INPP4B: variants seen among roughly 807,000 people sequenced by gnomAD.
The protein encoded by INPP4B is inositol polyphosphate-4-phosphatase type II B.
A neutral mutation model predicts 122.5 loss-of-function variants in INPP4B; 55 were observed. The observed-to-expected ratio is 0.45, with a 90% CI of 0.36 to 0.56. The LOEUF (loss-of-function observed/expected upper bound fraction) is 0.56. Among genes scored for constraint, INPP4B ranks in the 20% least tolerant of loss-of-function variants. The probability of loss-of-function intolerance (pLI) is 0.00; values close to 1 mark genes in which losing one functional copy is unlikely to be tolerated. For synonymous variants in INPP4B, 403 were observed against 388.7 expected (o/e 1.04, Z -0.43); for missense variants, 1,000 against 1,097.7 (o/e 0.91, Z 1.26).
At chr4:142,449,682 G>A (rs1244363803) in intron 3 of INPP4B, among the ~76,000 whole-genome samples, 13 of 149,990 alleles carry the variant, frequency 8.7e-5, no homozygotes, top group Non-Finnish European at 1.9e-4. Context: ...CCTGGTGACA[G>A]AGCAAGACTC....
intron 7 of INPP4B, among the ~76,000 whole-genome samples, chr4:142,367,677 A>C (rs1788075089): frequency 6.6e-6 from 1 of 152,140 alleles, no homozygotes; most frequent in African/African-American, 2.4e-5. Flanking sequence ...TCCGCAATTC[A>C]TGCATCCATA....
At chr4:142,052,618 T>C (rs1430467784) in intron 25 of INPP4B, among the ~76,000 whole-genome samples, 1 of 152,122 alleles carries the variant, frequency 6.6e-6, no homozygotes, top group African/African-American at 2.4e-5. Flanking sequence ...GTTGATGAGA[T>C]GTAAGCCTTT....
At chr4:142,400,516 A>C (rs1352185467) in intron 7 of INPP4B, among the ~76,000 whole-genome samples, 2 of 152,194 alleles carry the variant, frequency 1.3e-5, no homozygotes, top group African/African-American at 4.8e-5. Context: ...AGAAAAACTT[A>C]AGAAATGAAA....
intron 2 of INPP4B, among the ~76,000 whole-genome samples, chr4:142,515,281 G>A (rs966829011): frequency 2.0e-5 from 3 of 152,134 alleles, no homozygotes; most frequent in African/African-American, 7.2e-5. Context: ...AACATGGGAT[G>A]TGGGGAGCCT....
At chr4:142,648,691 C>G (rs1025192085) in intron 2 of INPP4B, among the ~76,000 whole-genome samples, 6 of 152,224 alleles carry the variant, frequency 3.9e-5, no homozygotes, top group Non-Finnish European at 5.9e-5. Context: ...CTGGGCGGAG[C>G]CCACCACAGC....
chr4:142,587,608 A>G (rs1447394671), intron 2 of INPP4B, among the ~76,000 whole-genome samples: 1 of 152,150 alleles, frequency 6.6e-6, no homozygotes, highest in Non-Finnish European at 1.5e-5. Context: ...TGATACATGC[A>G]TGCAATGCAT....
chr4:142,388,030 T>C (rs1209132281), intron 7 of INPP4B, among the ~76,000 whole-genome samples: 1 of 152,222 alleles, frequency 6.6e-6, no homozygotes, highest in East Asian at 1.9e-4. Flanking sequence ...ATTTGCTGAT[T>C]CTCTTCCCCT....
At chr4:142,790,866 T>C (rs377190134) in intron 1 of INPP4B, among the ~76,000 whole-genome samples, 48 of 152,140 alleles carry the variant, frequency 3.2e-4, no homozygotes, top group Admixed American at 1.2e-3. Context: ...GGGAGACATA[T>C]GAAGCCCAAC....
chr4:142,061,245 G>A (rs2667108), intron 25 of INPP4B, among the ~76,000 whole-genome samples: 130,266 of 152,180 alleles, frequency 0.86, 58,592 homozygotes, highest in Non-Finnish European at 0.98. Context: ...CCCTGCTACC[G>A]TACATGTGCA....
chr4:142,394,143 T>TTTTG (rs376220887), intron 7 of INPP4B, among the ~76,000 whole-genome samples: 2,578 of 152,272 alleles, frequency 0.017, 34 homozygotes, highest in Non-Finnish European at 0.027. Context: ...GTGTGGTTTT[T>TTTTG]TTTGTTTGTT....
chr4:142,375,069 C>G (rs1791354277), intron 7 of INPP4B, among the ~76,000 whole-genome samples: 1 of 151,846 alleles, frequency 6.6e-6, no homozygotes. Context: ...CTTATACGGT[C>G]TAATCACTCA....
At chr4:142,177,595 T>C (rs1421088226) in intron 15 of INPP4B, among the ~76,000 whole-genome samples, 3 of 152,046 alleles carry the variant, frequency 2.0e-5, no homozygotes, top group Admixed American at 6.6e-5. Context: ...AGTTTCATAA[T>C]ATTTTTCTAT....
intron 1 of INPP4B, among the ~76,000 whole-genome samples, chr4:142,794,830 G>T (rs990480326): frequency 1.3e-5 from 2 of 151,798 alleles, no homozygotes; most frequent in Non-Finnish European, 2.9e-5. Flanking sequence ...ATGTAATTTG[G>T]AAAGCAAATT....
intron 11 of INPP4B, among the ~76,000 whole-genome samples, chr4:142,245,844 G>C (rs1397810011): frequency 6.4e-5 from 5 of 78,140 alleles, no homozygotes; most frequent in African/African-American, 2.7e-4. Context: ...ACATATATAT[G>C]TGTATGTATA....
In INPP4B at chr4:142,623,459, T is replaced by G. The variant is rs368917808; in HGVS notation, c.-191+102380A>C. 2.9e-3 allele frequency among the ~76,000 whole-genome samples: 441 copies of G among 152,020 alleles called. 1 individual carries two copies. The highest frequency in any genetic ancestry group is 9.9e-3 in the African/African-American group (412 of 41,504). On this transcript the variant is annotated intron_variant, in intron 2 of 25. Coordinates refer to ENST00000262992, the MANE Select transcript of INPP4B (RefSeq NM_001101669.3). ...CTTTCTAACCTGTCCTTCATATTTT[T>G]CCACAGTCACTCTCCTAAAACAGGG... is the stretch of plus-strand genomic sequence containing the variant.
chr4:142,177,332 C>T (rs1317406952), intron 15 of INPP4B, among the ~76,000 whole-genome samples: 1 of 152,144 alleles, frequency 6.6e-6, no homozygotes, highest in African/African-American at 2.4e-5. Context: ...CAGTGCCTTA[C>T]TTTTCAAACA....
At chr4:142,806,061 C>A (rs1561089552) in intron 1 of INPP4B, among the ~76,000 whole-genome samples, 1 of 151,970 alleles carries the variant, frequency 6.6e-6, no homozygotes, top group African/African-American at 2.4e-5. Context: ...GGGCGGATCA[C>A]GAGGTCAGGA....
chr4:142,800,801 T>C (rs1299698930), intron 1 of INPP4B, among the ~76,000 whole-genome samples: 1 of 152,180 alleles, frequency 6.6e-6, no homozygotes, highest in Non-Finnish European at 1.5e-5. Context: ...GCTTGGAACG[T>C]CTTATGTTTC....
intron 2 of INPP4B, among the ~76,000 whole-genome samples, chr4:142,702,691 T>G (rs1000252965): frequency 7.6e-6 from 1 of 131,206 alleles, no homozygotes; most frequent in African/African-American, 3.0e-5. Flanking sequence ...GATCACGCCA[T>G]TGCACTCCAG....
Sources: allele counts gnomAD v4.1 joint callset (sites outside exome capture counted in the v4.1 genomes callset), GRCh38; gene constraint gnomAD v4.1.1; transcripts MANE v1.5; gene names NCBI Gene and HGNC (gene_info 2026-07-23, HGNC 2026-07-21).